ZPBP: variants seen among roughly 807,000 people sequenced by gnomAD.
The protein encoded by ZPBP is zona pellucida-binding protein 1.
In ZPBP, 26 loss-of-function variants were observed where a neutral mutation model predicts 44.8. The ratio of observed to expected loss-of-function variants is 0.58; its 90% CI spans 0.43 to 0.81. ZPBP has a LOEUF of 0.81. ZPBP is among the 30% of genes least tolerant of loss of function. The probability of loss-of-function intolerance (pLI) is 0.00; values close to 1 mark genes in which losing one functional copy is unlikely to be tolerated. For synonymous variants in ZPBP, 174 were observed against 153.2 expected (o/e 1.14, Z -1.00); for missense variants, 409 against 434.0 (o/e 0.94, Z 0.51).
chr7:49,994,914 A>ATTTGGG (rs753200123), intron 6 of ZPBP, among the ~76,000 whole-genome samples: 351 of 152,240 alleles, frequency 2.3e-3, no homozygotes, highest in Non-Finnish European at 2.5e-3. Flanking sequence ...ACACACCCAA[A>ATTTGGG]TGAGGAATAT....
At chr7:49,973,773 G>T (rs1285931919) in intron 7 of ZPBP, among the ~76,000 whole-genome samples, 1 of 152,054 alleles carries the variant, frequency 6.6e-6, no homozygotes, top group African/African-American at 2.4e-5. Flanking sequence ...GGAAAAGTTT[G>T]ACCTCTCATA....
intron 7 of ZPBP, among the ~76,000 whole-genome samples, chr7:49,949,573 G>A (rs1911765): frequency 0.75 from 113,718 of 151,810 alleles, 42,826 homozygotes; most frequent in East Asian, 0.89. Flanking sequence ...GGTATCTAGA[G>A]TAGTCACATT....
chr7:49,937,212 T>G (rs1386036328), downstream of ZPBP, among the ~76,000 whole-genome samples: 1 of 152,154 alleles, frequency 6.6e-6, no homozygotes. Context: ...AGTGAACATA[T>G]AGTAAAGATA....
At chr7:50,072,757 A>C (rs1340028244) in intron 3 of ZPBP, among the ~76,000 whole-genome samples, 7 of 152,258 alleles carry the variant, frequency 4.6e-5, no homozygotes, top group Admixed American at 2.6e-4. Flanking sequence ...GTGAATCTGC[A>C]AGAACCAAAG....
intron 4 of ZPBP, among the ~76,000 whole-genome samples, chr7:50,047,346 G>A (rs1161870291): frequency 6.6e-6 from 1 of 151,904 alleles, no homozygotes; most frequent in East Asian, 1.9e-4. Context: ...CATGCTTCCA[G>A]ATCCTTTCTG....
chr7:49,871,574 C>T (rs1791148420), intron 2 of ZPBP, among the ~76,000 whole-genome samples: 1 of 151,922 alleles, frequency 6.6e-6, no homozygotes, highest in Non-Finnish European at 1.5e-5. Flanking sequence ...ATTAGTATCT[C>T]ATTTTTCCTA....
intron 7 of ZPBP, among the ~76,000 whole-genome samples, chr7:49,970,990 G>A (rs1207197964): frequency 6.6e-6 from 1 of 152,116 alleles, no homozygotes; most frequent in East Asian, 1.9e-4. Flanking sequence ...GATTCAGTGA[G>A]CCACGATTGT....
chr7:50,018,321 G>T lies in ZPBP; in HGVS notation c.707-5C>A. On this transcript the variant is annotated splice_polypyrimidine_tract_variant and splice_region_variant and intron_variant, in intron 5 of 7. Coordinates refer to ENST00000046087, the MANE Select transcript of ZPBP (RefSeq NM_007009.3). ...TTTCAGTGTCTAGAGATGAAACTGA[G>T]AAAATATATTATATTTTATCATGGG... The T allele has an allele frequency of 6.3e-7, 1 of 1,582,908 alleles. No homozygotes were observed. Among genetic ancestry groups the T allele is most frequent in the Non-Finnish European group, 8.7e-7 (1 of 1,155,080 alleles).
intron 2 of ZPBP, among the ~76,000 whole-genome samples, chr7:50,085,128 C>A (rs1339953402): frequency 1.3e-5 from 2 of 151,986 alleles, no homozygotes; most frequent in African/African-American, 4.8e-5. Flanking sequence ...TATGACTGAT[C>A]TCCTTATAAA....
At chr7:50,074,610 G>T (rs1467368012) in intron 3 of ZPBP, among the ~76,000 whole-genome samples, 1 of 151,718 alleles carries the variant, frequency 6.6e-6, no homozygotes, top group Non-Finnish European at 1.5e-5. Flanking sequence ...AAAAAGAGTG[G>T]CAATTGCTAT....
chr7:49,907,634 C>T (rs932409078), intron 1 of ZPBP, among the ~76,000 whole-genome samples: 1 of 152,124 alleles, frequency 6.6e-6, no homozygotes, highest in Admixed American at 6.5e-5. Context: ...TGGGACACAG[C>T]TTGGCTTTAT....
intron 1 of ZPBP, among the ~76,000 whole-genome samples, chr7:49,922,843 G>A (rs1794080593): frequency 6.6e-6 from 1 of 152,154 alleles, no homozygotes; most frequent in Admixed American, 6.6e-5. Flanking sequence ...GTCTCCTAAT[G>A]ATGGAATAAT....
chr7:50,024,999 G>A (rs950645044), intron 5 of ZPBP, among the ~76,000 whole-genome samples: 23 of 151,710 alleles, frequency 1.5e-4, no homozygotes, highest in African/African-American at 5.6e-4. Context: ...AAAGTCAATT[G>A]CTTTCCTATG....
intron 2 of ZPBP, among the ~76,000 whole-genome samples, chr7:49,853,552 C>T (rs117474973): frequency 0.033 from 4,969 of 151,528 alleles, 306 homozygotes; most frequent in Admixed American, 0.16. Flanking sequence ...TTCTTTATCA[C>T]GGTAGACTAT....
At chr7:49,915,627 A>C (rs1793676731) in intron 1 of ZPBP, 1 of 152,222 alleles carries the variant, frequency 6.6e-6, no homozygotes. Context: ...TGTTTCAAAC[A>C]AGCATTGTTG....
chr7:49,988,208 A>G (rs1797404356), intron 6 of ZPBP, among the ~76,000 whole-genome samples: 1 of 152,214 alleles, frequency 6.6e-6, no homozygotes, highest in African/African-American at 2.4e-5. Context: ...AAAAATTCTA[A>G]GTCATCATTT....
intron 1 of ZPBP, among the ~76,000 whole-genome samples, chr7:49,923,219 A>G (rs1289423984): frequency 6.6e-6 from 1 of 152,188 alleles, no homozygotes; most frequent in Non-Finnish European, 1.5e-5. Flanking sequence ...TCTAAAGTTG[A>G]TGACAGACGA....
intron 7 of ZPBP, chr7:49,943,119 A>G: frequency 3.0e-6 from 1 of 333,126 alleles, no homozygotes. Context: ...ACAGTCAGTA[A>G]GTCAGTAAGT....
rs181262480 is a variant in ZPBP at position 50,060,333 on chromosome 7, G to T, written c.335-2192C>A. Reference sequence around the variant, plus strand: ...AATCAGAGCTGAACTGAACAAAATGGTGACACAAAAAAACATACAAAAGAT... The same window carrying T: ...AATCAGAGCTGAACTGAACAAAATGTTGACACAAAAAAACATACAAAAGAT... On this transcript the variant is annotated intron_variant, in intron 3 of 7. Coordinates refer to ENST00000046087, the MANE Select transcript of ZPBP (RefSeq NM_007009.3). Among the ~76,000 whole-genome samples the T allele has an allele frequency of 1.6e-3, 247 of 152,078 alleles. 3 individuals carry two copies. The highest frequency in any genetic ancestry group is 5.6e-3 in the African/African-American group (231 of 41,476).
Sources: gnomAD v4.1 joint callset for allele counts (sites outside exome capture counted in the v4.1 genomes callset) on GRCh38, gnomAD v4.1.1 for gene constraint, MANE v1.5 for transcripts, NCBI Gene and HGNC (gene_info 2026-07-23, HGNC 2026-07-21) for gene names.